The following NCALD variants were observed in gnomAD, a reference collection of about 807,000 sequenced individuals.
NCALD encodes neurocalcin-delta.
Under a neutral mutation model 18.6 loss-of-function variants are expected in NCALD, and 10 were observed. The observed-to-expected ratio is 0.54, with a 90% confidence interval of 0.33 to 0.91. The LOEUF is 0.91. Ranked by LOEUF, NCALD falls within the 40% of genes least tolerant of loss-of-function variation. NCALD has a pLI of 0.03. For synonymous variants in NCALD, 88 were observed against 87.4 expected (o/e 1.01, Z -0.04); for missense variants, 184 against 247.6 (o/e 0.74, Z 1.72).
intron 4 of NCALD, among the ~76,000 whole-genome samples, chr8:101,836,556 C>T (rs1343211394): frequency 6.6e-6 from 1 of 152,212 alleles, no homozygotes; most frequent in Admixed American, 6.5e-5. Flanking sequence ...CCACACCCAA[C>T]TCCACTTTTG....
At chr8:101,961,613 A>G (rs1056045247) in intron 2 of NCALD, among the ~76,000 whole-genome samples, 1 of 152,018 alleles carries the variant, frequency 6.6e-6, no homozygotes, top group African/African-American at 2.4e-5. Flanking sequence ...TTTATTTTTT[A>G]TTGACAGGGT....
At chr8:101,966,824 AATG>A (rs1820051025) in intron 2 of NCALD, among the ~76,000 whole-genome samples, 1 of 152,140 alleles carries the variant, frequency 6.6e-6, no homozygotes, top group Admixed American at 6.6e-5. Context: ...CATTATTTTT[AATG>A]ATGAAGATGG....
chr8:102,039,265 C>A (rs1822970261), intron 1 of NCALD, among the ~76,000 whole-genome samples: 1 of 151,982 alleles, frequency 6.6e-6, no homozygotes, highest in Non-Finnish European at 1.5e-5. Flanking sequence ...ATTGTTTAAG[C>A]CAAAGCCCCA....
intron 4 of NCALD, among the ~76,000 whole-genome samples, chr8:101,842,702 C>T (rs1372551501): frequency 6.6e-6 from 1 of 152,234 alleles, no homozygotes. Context: ...GGCCCCCAAC[C>T]TATTTCCATT....
At chr8:102,065,281 T>C (rs1008890163) in intron 1 of NCALD, among the ~76,000 whole-genome samples, 8 of 151,688 alleles carry the variant, frequency 5.3e-5, no homozygotes, top group African/African-American at 1.9e-4. Context: ...TCTGCCCATA[T>C]ATTTCCACTG....
At chr8:101,977,577 T>C (rs1820469643) in intron 2 of NCALD, among the ~76,000 whole-genome samples, 2 of 152,230 alleles carry the variant, frequency 1.3e-5, no homozygotes, top group African/African-American at 4.8e-5. Context: ...AGACACTTCC[T>C]GCTCTTACTC....
At chr8:101,739,855 C>T (rs182882681) in intron 1 of NCALD, among the ~76,000 whole-genome samples, 5 of 152,174 alleles carry the variant, frequency 3.3e-5, no homozygotes, top group East Asian at 1.9e-4. Context: ...TTGTGTGAGT[C>T]GATTCTCCTA....
intron 1 of NCALD, among the ~76,000 whole-genome samples, chr8:101,737,930 A>G (rs1170127509): frequency 6.6e-6 from 1 of 152,208 alleles, no homozygotes; most frequent in African/African-American, 2.4e-5. Flanking sequence ...AATTCCATGA[A>G]CCAGAGGGCA....
At chr8:102,089,939 T>C (rs1021895178) in intron 1 of NCALD, among the ~76,000 whole-genome samples, 5 of 152,196 alleles carry the variant, frequency 3.3e-5, no homozygotes, top group African/African-American at 1.2e-4. Context: ...ATCTGCTCTT[T>C]AACAAAAACT....
chr8:101,706,799 G>C (rs779252228), intron 2 of NCALD, among the ~76,000 whole-genome samples: 3 of 152,206 alleles, frequency 2.0e-5, no homozygotes, highest in Non-Finnish European at 4.4e-5. Context: ...AGCACGAGAA[G>C]CTAGGAAGCA....
chr8:102,021,039 C>G (rs1822255146), intron 1 of NCALD, among the ~76,000 whole-genome samples: 1 of 152,162 alleles, frequency 6.6e-6, no homozygotes, highest in African/African-American at 2.4e-5. Flanking sequence ...TACACTTGAC[C>G]ATCTTAAGCT....
chr8:101,727,070 G>T (rs367700128), intron 1 of NCALD, among the ~76,000 whole-genome samples: 1 of 152,180 alleles, frequency 6.6e-6, no homozygotes, highest in East Asian at 1.9e-4. Flanking sequence ...ACTGGACATT[G>T]AAAGGTCTCA....
chr8:101,879,634 A>T (rs916062035), intron 4 of NCALD, among the ~76,000 whole-genome samples: 1 of 152,178 alleles, frequency 6.6e-6, no homozygotes, highest in Admixed American at 6.5e-5. Flanking sequence ...GGCCCCACCC[A>T]CATCCTGTTG....
intron 2 of NCALD, among the ~76,000 whole-genome samples, chr8:101,942,978 C>A (rs1819013989): frequency 6.6e-6 from 1 of 152,158 alleles, no homozygotes; most frequent in South Asian, 2.1e-4. Flanking sequence ...GCCTCCTTCC[C>A]TAAGCACCAC....
At chr8:102,042,441 T>C (rs1423069571) in intron 1 of NCALD, among the ~76,000 whole-genome samples, 1 of 151,864 alleles carries the variant, frequency 6.6e-6, no homozygotes, top group African/African-American at 2.4e-5. Flanking sequence ...TTTGGAAGAC[T>C]TTGTGGATGC....
intron 1 of NCALD, among the ~76,000 whole-genome samples, chr8:102,023,862 T>C (rs1356273735): frequency 6.6e-6 from 1 of 152,192 alleles, no homozygotes; most frequent in African/African-American, 2.4e-5. Flanking sequence ...TCCGTCTCAA[T>C]GATAGGATAC....
intron 2 of NCALD, among the ~76,000 whole-genome samples, chr8:101,708,746 ACT>A (rs947046852): frequency 3.3e-5 from 5 of 152,136 alleles, no homozygotes; most frequent in Admixed American, 6.6e-5. Context: ...GAAGCCAGGT[ACT>A]CACCCTGGGG....
chr8:101,869,998 T>C (rs944575102), intron 4 of NCALD, among the ~76,000 whole-genome samples: 3 of 152,226 alleles, frequency 2.0e-5, no homozygotes, highest in African/African-American at 7.2e-5. Context: ...TACATGTGTT[T>C]TCTGTTCCCA....
chr8:101,885,525 T>C (rs1816643886), intron 4 of NCALD, among the ~76,000 whole-genome samples: 1 of 152,216 alleles, frequency 6.6e-6, no homozygotes, highest in South Asian at 2.1e-4. Flanking sequence ...GAGTGGCTTC[T>C]TCACTGCCCC....
Sources: gnomAD v4.1 joint callset for allele counts (sites outside exome capture counted in the v4.1 genomes callset) on GRCh38, gnomAD v4.1.1 for gene constraint, MANE v1.5 for transcripts, NCBI Gene and HGNC (gene_info 2026-07-23, HGNC 2026-07-21) for gene names.